Variants in PRDM2 observed in about 807,000 individuals in gnomAD.
PRDM2 encodes PR domain zinc finger protein 2.
Under a neutral mutation model 130.0 loss-of-function variants are expected in PRDM2, and 30 were observed. The ratio of observed to expected loss-of-function variants is 0.23; its 90% confidence interval spans 0.17 to 0.31. The LOEUF is 0.31. Ranked by LOEUF, PRDM2 falls within the 10% of genes least tolerant of loss-of-function variation. PRDM2 has a pLI of 1.00. For missense variants in PRDM2, 2,011 were observed against 2,108.4 expected (o/e 0.95, Z 0.90); for synonymous variants, 871 against 782.4 (o/e 1.11, Z -1.89).
chr1:13,808,884 A>G (rs189973967), intron 8 of PRDM2, among the ~76,000 whole-genome samples: 1 of 152,298 alleles, frequency 6.6e-6, no homozygotes, highest in East Asian at 1.9e-4. Context: ...GACCAGGGCC[A>G]TGTTGCCTCA....
At chr1:13,820,743 C>T (rs951049906) in intron 9 of PRDM2, among the ~76,000 whole-genome samples, 4 of 151,652 alleles carry the variant, frequency 2.6e-5, no homozygotes, top group African/African-American at 9.7e-5. Context: ...GTCCAGCCCC[C>T]AGCTCCTGCT....
chr1:13,773,531 G>GGAGTT (rs1644403268), intron 7 of PRDM2: 1 of 160,876 alleles, frequency 6.2e-6, no homozygotes, highest in South Asian at 2.0e-4. Context: ...GGGCAACATA[G>GGAGTT]TGAGACCCTG....
chr1:13,796,817 G>C (rs1644930062), intron 8 of PRDM2, among the ~76,000 whole-genome samples: 1 of 152,206 alleles, frequency 6.6e-6, no homozygotes, highest in Non-Finnish European at 1.5e-5. Flanking sequence ...AAGTGATGTT[G>C]CTGGGACAAG....
At position 13,739,379 on chromosome 1, in the gene PRDM2, G is replaced by T. The variant is rs554138584; in HGVS notation, c.232-2626G>T. ...TGCTTTATTCAATCATCAACGTATT[G>T]TGAATGCCTTTATGCTGATCAATGT... On this transcript the variant is annotated intron_variant, in intron 4 of 9. Coordinates refer to ENST00000311066, the MANE Select transcript of PRDM2 (RefSeq NM_001393986.1). 2.0e-5 allele frequency among the ~76,000 whole-genome samples: 3 copies of T among 152,216 alleles called. No individual in the cohort carries two copies. The South Asian group carries it at 6.2e-4, about 32-fold the overall frequency.
chr1:13,742,597 T>G (rs1166097364), intron 5 of PRDM2, among the ~76,000 whole-genome samples: 1 of 152,214 alleles, frequency 6.6e-6, no homozygotes, highest in Non-Finnish European at 1.5e-5. Context: ...ATCCACACTC[T>G]TAAGGTTCTG....
At chr1:13,801,440 C>A (rs1457872017) in intron 8 of PRDM2, among the ~76,000 whole-genome samples, 1 of 152,210 alleles carries the variant, frequency 6.6e-6, no homozygotes, top group Non-Finnish European at 1.5e-5. Flanking sequence ...CCTGTCAGCA[C>A]ATGAAAGGCT....
At chr1:13,794,893 T>C (rs2495081) in intron 8 of PRDM2, among the ~76,000 whole-genome samples, 4,155 of 152,344 alleles carry the variant, frequency 0.027, 214 homozygotes, top group African/African-American at 0.095. Context: ...CTGGTTTGGC[T>C]ACCAGTGGCA....
At chr1:13,794,698 T>C (rs1290253143) in intron 8 of PRDM2, among the ~76,000 whole-genome samples, 1 of 152,264 alleles carries the variant, frequency 6.6e-6, no homozygotes, top group African/African-American at 2.4e-5. Context: ...CAACGTCAGC[T>C]GCTGTCAGCA....
At chr1:13,742,229 C>T (rs558452444) in intron 5 of PRDM2, 72 bp downstream of exon 5, 1 of 1,473,392 alleles carries the variant, frequency 6.8e-7, no homozygotes, top group Non-Finnish European at 9.4e-7. Flanking sequence ...TTGAGACGGT[C>T]TCATTCTGTC....
rs778453881 is a variant in PRDM2, at chr1:13,781,258, A to G, written c.3463A>G (p.Ile1155Val). 13 of 1,614,120 alleles carry G rather than the reference A, an allele frequency of 8.1e-6. No homozygotes were observed. The highest frequency in any genetic ancestry group is 6.6e-5 in the South Asian group (6 of 91,090). Residue 1155 changes from isoleucine to valine, a missense_variant, in exon 8 of 10, where the codon ATT becomes GTT. Physicochemically the swap from Ile to Val is conservative, Grantham distance 29. Coordinates refer to ENST00000311066, the MANE Select transcript of PRDM2 (RefSeq NM_001393986.1). The surrounding 1 kb of genome is among the most constrained non-coding windows in gnomAD (Gnocchi z 6.1). ...SIKDLTKHLS[I>V]HAEEWPFKCE... ...TAAAGATCTAACCAAACATTTATCT[A>G]TTCATGCTGAAGAATGGCCCTTCAA...
intron 8 of PRDM2, among the ~76,000 whole-genome samples, chr1:13,788,662 T>G (rs1384441125): frequency 6.6e-6 from 1 of 151,492 alleles, no homozygotes; most frequent in Non-Finnish European, 1.5e-5. Context: ...AGGAGAGAGG[T>G]TGGTGGGAAT....
chr1:13,790,853 C>A (rs943002406), intron 8 of PRDM2, among the ~76,000 whole-genome samples: 1 of 152,102 alleles, frequency 6.6e-6, no homozygotes, highest in East Asian at 1.9e-4. Flanking sequence ...GCCCTTGTGC[C>A]GCTTCCTCTG....
intron 5 of PRDM2, among the ~76,000 whole-genome samples, chr1:13,745,942 G>T (rs1407411733): frequency 6.6e-6 from 1 of 152,166 alleles, no homozygotes; most frequent in East Asian, 1.9e-4. Context: ...ATGAGTGGAT[G>T]TACTGTGTGT....
chr1:13,710,239 G>A (rs2100396148), intron 1 of PRDM2, among the ~76,000 whole-genome samples: 1 of 152,340 alleles, frequency 6.6e-6, no homozygotes, highest in Admixed American at 6.5e-5. Context: ...TGGGGCTGCA[G>A]GGCTGGTATG....
chr1:13,715,108 A>G (rs1307455378), intron 1 of PRDM2, among the ~76,000 whole-genome samples: 3 of 152,226 alleles, frequency 2.0e-5, no homozygotes, highest in African/African-American at 7.2e-5. Flanking sequence ...TCAACTTTCT[A>G]ATTCAGGAAC....
chr1:13,819,379 A>G (rs1645310167), intron 9 of PRDM2, among the ~76,000 whole-genome samples: 1 of 152,160 alleles, frequency 6.6e-6, no homozygotes, highest in Non-Finnish European at 1.5e-5. Context: ...AAGCGATCAA[A>G]TGAAGAGAGG....
chr1:13,777,802 T>C (rs1340159271), intron 7 of PRDM2, among the ~76,000 whole-genome samples: 1 of 151,628 alleles, frequency 6.6e-6, no homozygotes, highest in East Asian at 1.9e-4. Context: ...GAGATGCTCC[T>C]GAGTTCTTAA....
chr1:13,761,600 C>T (rs989477014), intron 6 of PRDM2, among the ~76,000 whole-genome samples: 1 of 152,022 alleles, frequency 6.6e-6, no homozygotes, highest in East Asian at 1.9e-4. Flanking sequence ...GTCCCTGACC[C>T]CCAGTGTTGT....
At position 13,724,068 on chromosome 1, in the gene PRDM2, C is replaced by T. The variant is rs533012794; in HGVS notation, c.10-6932C>T. Reference sequence around the variant, plus strand: ...ACTAGGTTAGGATAGTGGGGACTAGCTTCTAGGAGGCTAAAGTGTTCTCTG... The same window carrying T: ...ACTAGGTTAGGATAGTGGGGACTAGTTTCTAGGAGGCTAAAGTGTTCTCTG... On this transcript the variant is annotated intron_variant, in intron 2 of 9. Coordinates refer to ENST00000311066, the MANE Select transcript of PRDM2 (RefSeq NM_001393986.1). 8.5e-5 allele frequency among the ~76,000 whole-genome samples: 13 copies of T among 152,296 alleles called. No individual in the cohort carries two copies. The East Asian group carries it at 1.9e-3, about 23-fold the overall frequency.
Sources: allele counts gnomAD v4.1 joint callset (sites outside exome capture counted in the v4.1 genomes callset), GRCh38; gene constraint gnomAD v4.1.1; non-coding constraint Gnocchi (gnomAD v3.1); transcripts MANE v1.5; gene names NCBI Gene and HGNC (gene_info 2026-07-23, HGNC 2026-07-21).